The following PDE8B variants were observed in gnomAD, a reference collection of about 807,000 sequenced individuals.
PDE8B encodes high affinity cAMP-specific and IBMX-insensitive 3',5'-cyclic phosphodiesterase 8B.
A neutral mutation model predicts 101.3 loss-of-function variants in PDE8B; 26 were observed. The ratio of observed to expected loss-of-function variants is 0.26; its 90% CI spans 0.19 to 0.36. The LOEUF (loss-of-function observed/expected upper bound fraction) is 0.36, where lower values mean the gene tolerates loss of function less well. Ranked by LOEUF, PDE8B falls within the 10% of genes least tolerant of loss-of-function variation. PDE8B has a pLI of 1.00. For missense variants in PDE8B, 810 were observed against 1,163.1 expected, an observed-to-expected ratio of 0.70 and a Z score of 4.42; for synonymous variants, 424 against 429.3, an observed-to-expected ratio of 0.99 and a Z score of 0.15.
chr5:77,110,805 G>A, the PDE8B span, among the ~76,000 whole-genome samples: 1 of 152,286 alleles, frequency 6.6e-6, no homozygotes, highest in East Asian at 1.9e-4. Flanking sequence ...CTTCCACTAG[G>A]CCATTGATGC....
chr5:77,127,584 C>A, the PDE8B span, among the ~76,000 whole-genome samples: 1 of 152,118 alleles, frequency 6.6e-6, no homozygotes, highest in African/African-American at 2.4e-5. Flanking sequence ...TTTCCTACTG[C>A]AGCAGGGATA....
At chr5:77,366,773 A>G (rs982958042) in intron 10 of PDE8B, among the ~76,000 whole-genome samples, 1 of 152,198 alleles carries the variant, frequency 6.6e-6, no homozygotes, top group Non-Finnish European at 1.5e-5. Flanking sequence ...CATGTTCTAT[A>G]TTAGGAATTT....
rs187036290 is a variant in PDE8B, at chr5:77,394,296, C to A, written c.1168-5952C>A. Among the ~76,000 whole-genome samples the A allele has an allele frequency of 9.2e-5, 14 of 152,236 alleles. 1 individual carries two copies. The highest frequency in any genetic ancestry group is 3.4e-4 in the African/African-American group (14 of 41,562). On this transcript the variant is annotated intron_variant, in intron 10 of 21. Coordinates refer to ENST00000264917, the MANE Select transcript of PDE8B (RefSeq NM_003719.5). ...TCAGGCACTGTAGAATCCAGCAGCT[C>A]CTCACACAGTTTCAGAGTCAGTCCT...
intron 6 of PDE8B, among the ~76,000 whole-genome samples, chr5:77,343,582 G>A (rs1293927796): frequency 6.6e-6 from 1 of 152,170 alleles, no homozygotes; most frequent in Admixed American, 6.6e-5. Context: ...GGGTGAGCTG[G>A]TGAGTGAATG....
At chr5:77,243,732 T>A (rs1038674216) in intron 1 of PDE8B, among the ~76,000 whole-genome samples, 2 of 152,220 alleles carry the variant, frequency 1.3e-5, no homozygotes, top group Non-Finnish European at 2.9e-5. Context: ...ACACATTTTG[T>A]TTGTTCATTC....
rs576245073 is a variant in PDE8B at position 77,362,226 on chromosome 5, G to C, written c.1167+8820G>C. On this transcript the variant is annotated intron_variant, in intron 10 of 21. Transcript: ENST00000264917. The stretch of plus-strand genomic sequence containing the variant: ...AGGTGGCCAGTACATACTGACTTGC[G>C]AAAACTGATTGTTTGATTTTCTGGA... 2.4e-3 allele frequency among the ~76,000 whole-genome samples: 373 copies of C among 152,296 alleles called. 3 individuals are homozygous for C. The highest frequency in any genetic ancestry group is 0.01 in the South Asian group (49 of 4,822).
chr5:77,094,072 A>C, the PDE8B span, among the ~76,000 whole-genome samples: 385 of 152,266 alleles, frequency 2.5e-3, 3 homozygotes, highest in African/African-American at 9.0e-3. Context: ...CAGCTGGGCT[A>C]TGTTACCTTC....
chr5:77,173,785 G>A, the PDE8B span, among the ~76,000 whole-genome samples: 1 of 152,052 alleles, frequency 6.6e-6, no homozygotes, highest in African/African-American at 2.4e-5. Context: ...GCTCTAGAAA[G>A]TGTAGCGGAG....
At chr5:77,395,888 G>A (rs939210251) in intron 10 of PDE8B, among the ~76,000 whole-genome samples, 5 of 152,174 alleles carry the variant, frequency 3.3e-5, no homozygotes, top group Non-Finnish European at 7.3e-5. Flanking sequence ...GGTGCTCCAC[G>A]TAGCATTGGG....
chr5:77,245,939 C>T (rs1756849684), intron 1 of PDE8B, among the ~76,000 whole-genome samples: 1 of 147,032 alleles, frequency 6.8e-6, no homozygotes, highest in Non-Finnish European at 1.5e-5. Flanking sequence ...GTAGCCTTAC[C>T]TCCTGAGCTC....
chr5:77,323,861 A>G (rs1247869680), intron 2 of PDE8B, among the ~76,000 whole-genome samples: 8 of 152,210 alleles, frequency 5.3e-5, no homozygotes, highest in Admixed American at 5.2e-4. Flanking sequence ...CGGGAGGCTG[A>G]GGCAGGAGAA....
At chr5:77,164,858 C>A in the PDE8B span, among the ~76,000 whole-genome samples, 1 of 152,144 alleles carries the variant, frequency 6.6e-6, no homozygotes, top group Non-Finnish European at 1.5e-5. Flanking sequence ...AAGGCACAGG[C>A]AGAGCTTTGG....
At chr5:77,335,377 G>A (rs951895541) in intron 5 of PDE8B, among the ~76,000 whole-genome samples, 2 of 152,134 alleles carry the variant, frequency 1.3e-5, no homozygotes, top group Admixed American at 6.5e-5. Context: ...CAAACAGAAA[G>A]TATTTCCCTT....
At chr5:77,383,642 T>C (rs1787964490) in intron 10 of PDE8B, among the ~76,000 whole-genome samples, 1 of 151,932 alleles carries the variant, frequency 6.6e-6, no homozygotes, top group Non-Finnish European at 1.5e-5. Context: ...TAATCCATCT[T>C]GAGTTAATTT....
At chr5:77,388,306 T>C (rs1051071785) in intron 10 of PDE8B, among the ~76,000 whole-genome samples, 2 of 152,190 alleles carry the variant, frequency 1.3e-5, no homozygotes, top group Non-Finnish European at 2.9e-5. Context: ...TCCTGTCTGT[T>C]AGTTTTCCTT....
chr5:77,361,055 C>A (rs542099928), intron 10 of PDE8B, among the ~76,000 whole-genome samples: 1 of 152,194 alleles, frequency 6.6e-6, no homozygotes, highest in Non-Finnish European at 1.5e-5. Context: ...GTAATAAGTA[C>A]TTACATTCCA....
chr5:77,397,167 C>A (rs1185545323), intron 10 of PDE8B, among the ~76,000 whole-genome samples: 1 of 150,174 alleles, frequency 6.7e-6, no homozygotes, highest in African/African-American at 2.5e-5. Flanking sequence ...GTAGCGGGGA[C>A]TACAGGTGCA....
intron 2 of PDE8B, among the ~76,000 whole-genome samples, chr5:77,322,777 T>C (rs1775331069): frequency 6.6e-6 from 1 of 152,240 alleles, no homozygotes; most frequent in Non-Finnish European, 1.5e-5. Context: ...TTTATTACCA[T>C]TCTGTATAAT....
the PDE8B span, chr5:77,167,010 T>C: frequency 6.6e-6 from 1 of 152,200 alleles, no homozygotes; most frequent in Non-Finnish European, 1.5e-5. Flanking sequence ...CGGCACCACA[T>C]TGGTCCCTAG....
Sources: gnomAD v4.1 joint callset for allele counts (sites outside exome capture counted in the v4.1 genomes callset) on GRCh38, gnomAD v4.1.1 for gene constraint, MANE v1.5 for transcripts, NCBI Gene and HGNC (gene_info 2026-07-23, HGNC 2026-07-21) for gene names.